TMEM130: variants seen among roughly 807,000 people sequenced by gnomAD.
TMEM130 encodes transmembrane protein 130.
Under a neutral mutation model 42.9 loss-of-function variants are expected in TMEM130, and 37 were observed. The ratio of observed to expected loss-of-function variants is 0.86; its 90% confidence interval spans 0.66 to 1.13. The LOEUF is 1.13. TMEM130 is among the 50% of genes most tolerant of loss of function. The pLI, the probability that TMEM130 is intolerant of heterozygous loss-of-function variation, is 0.00. For missense variants in TMEM130, 545 were observed against 562.6 expected, an observed-to-expected ratio of 0.97 and a Z score of 0.32; for synonymous variants, 259 against 237.7, an observed-to-expected ratio of 1.09 and a Z score of -0.82.
At chr7:98,866,643 T>TC (rs1554400667) in intron 1 of TMEM130, 1 of 152,230 alleles carries the variant, frequency 6.6e-6, no homozygotes, top group East Asian at 1.9e-4. Flanking sequence ...CAGGCAACTC[T>TC]GAGATTATTT....
chr7:98,862,348 G>C (rs1309237711), intron 2 of TMEM130, among the ~76,000 whole-genome samples: 1 of 142,212 alleles, frequency 7.0e-6, no homozygotes, highest in African/African-American at 2.6e-5. Context: ...AGGGAAAACA[G>C]AGAGAGAAGG....
At chr7:98,850,271 A>ATTTTTTTT (rs1290884464) in intron 6 of TMEM130, among the ~76,000 whole-genome samples, 5 of 33,880 alleles carry the variant, frequency 1.5e-4, no homozygotes, top group Admixed American at 4.5e-4. Context: ...ATATATATAT[A>ATTTTTTTT]TATTTTTTTT....
Position 98,849,593 on chromosome 7 carries a change from G to T in TMEM130, c.1007-898C>A, listed in dbSNP as rs148960353. Among the ~76,000 whole-genome samples the T allele has an allele frequency of 9.6e-4, 146 of 152,174 alleles. 1 individual carries two copies. Among genetic ancestry groups the T allele is most frequent in the African/African-American group, 3.5e-3 (144 of 41,510 alleles). On this transcript the variant is annotated intron_variant, in intron 6 of 7. Transcript: ENST00000339375. ...GATTGAGTGTAGCATCCTCTCAGGG[G>T]CCCAGAGTGGGATTGGGGAAACTGG...
rs76234252 is a variant in TMEM130, at chr7:98,856,316, G to C, written c.552-133C>G. 2.4e-3 allele frequency: 2,066 copies of C among 856,652 alleles called. 23 individuals carry two copies. In the African/African-American group the frequency reaches 0.028, roughly 12 times the overall value. 53.1% of individuals were successfully genotyped at this position (856,652 alleles called of 1,614,324 possible). On this transcript the variant is annotated intron_variant, in intron 3 of 7. Coordinates refer to ENST00000339375, the MANE Select transcript of TMEM130 (RefSeq NM_152913.3). ...CAGTGATACTCCCAGCTACCAGTGAGCACACCTGTCATCACAGCCTAGAGC... is the reference window on the plus strand; with the variant it reads ...CAGTGATACTCCCAGCTACCAGTGACCACACCTGTCATCACAGCCTAGAGC...
intron 3 of TMEM130, among the ~76,000 whole-genome samples, chr7:98,859,888 T>TA (rs1175882966): frequency 4.0e-5 from 6 of 150,690 alleles, no homozygotes; most frequent in Non-Finnish European, 7.4e-5. Flanking sequence ...CCATCTCTAC[T>TA]AAAAAAAATA....
At chr7:98,863,825 CCCTT>C (rs1270586265) in intron 1 of TMEM130, among the ~76,000 whole-genome samples, 31 of 141,804 alleles carry the variant, frequency 2.2e-4, no homozygotes, top group African/African-American at 6.5e-4. Flanking sequence ...CTTTTTTTCT[CCCTT>C]CCTTCCTTCC....
In TMEM130 at chr7:98,869,298, C is replaced by T. The variant is rs548463895; in HGVS notation, c.85+479G>A. On this transcript the variant is annotated intron_variant, in intron 1 of 7. Coordinates refer to ENST00000339375, the MANE Select transcript of TMEM130 (RefSeq NM_152913.3). The surrounding 1 kb of genome is among the most constrained non-coding windows in gnomAD (Gnocchi z 4.7). Reference sequence around the variant, plus strand: ...CCTGGGCTCTAAATTCGCATCTCCCCAAAGCCAGCACCAACACGGTGGGAA... The same window carrying T: ...CCTGGGCTCTAAATTCGCATCTCCCTAAAGCCAGCACCAACACGGTGGGAA... The T allele has an allele frequency of 1.3e-5, 17 of 1,285,286 alleles. No individual in the cohort carries two copies. The highest frequency in any genetic ancestry group is 1.5e-5 in the African/African-American group (1 of 65,650). The allele number at this position is 1,285,286 out of a possible 1,614,324, so 79.6% of individuals were successfully genotyped here. A position where few individuals can be genotyped will look rare whatever the true frequency, so the allele number is the denominator to read the frequency against.
intron 6 of TMEM130, among the ~76,000 whole-genome samples, chr7:98,849,736 A>T (rs1794444588): frequency 6.6e-6 from 1 of 152,170 alleles, no homozygotes; most frequent in Non-Finnish European, 1.5e-5. Context: ...CCCCAGGACC[A>T]GGAATCTGAA....
At chr7:98,849,092 A>G (rs1246410965) in intron 6 of TMEM130, among the ~76,000 whole-genome samples, 3 of 152,116 alleles carry the variant, frequency 2.0e-5, no homozygotes, top group African/African-American at 4.8e-5. Context: ...CGGGTGACAC[A>G]CTTTTGGGAA....
At chr7:98,864,268 T>C (rs1224122941) in intron 1 of TMEM130, among the ~76,000 whole-genome samples, 1 of 152,048 alleles carries the variant, frequency 6.6e-6, no homozygotes, top group Non-Finnish European at 1.5e-5. Context: ...TGTAGTGGCA[T>C]GATCATAGCT....
At chr7:98,849,475 G>A (rs1344896616) in intron 6 of TMEM130, among the ~76,000 whole-genome samples, 1 of 152,140 alleles carries the variant, frequency 6.6e-6, no homozygotes, top group African/African-American at 2.4e-5. Flanking sequence ...GCAGAATTCA[G>A]GGGGTTCCTG....
intron 5 of TMEM130, among the ~76,000 whole-genome samples, chr7:98,852,660 T>C (rs564150756): frequency 6.6e-6 from 1 of 152,166 alleles, no homozygotes; most frequent in Non-Finnish European, 1.5e-5. Context: ...AGTGGTGCGA[T>C]CTCCGCTCAC....
At chr7:98,852,715 C>T (rs1299857092) in intron 5 of TMEM130, among the ~76,000 whole-genome samples, 1 of 152,156 alleles carries the variant, frequency 6.6e-6, no homozygotes, top group Non-Finnish European at 1.5e-5. Context: ...CCACCTCAGC[C>T]TCCCAAGTAG....
chr7:98,863,818 T>C (rs181849999), intron 1 of TMEM130, among the ~76,000 whole-genome samples: 14 of 151,454 alleles, frequency 9.2e-5, no homozygotes, highest in Admixed American at 8.6e-4. Context: ...CTTCTTTCTT[T>C]TTTTCTCCCT....
intron 1 of TMEM130, 125 bp from the exon 2 acceptor site, chr7:98,863,525 A>G (rs1162440655): frequency 9.2e-6 from 9 of 976,188 alleles, no homozygotes; most frequent in African/African-American, 3.3e-5. Context: ...AGGCAGCTCA[A>G]GTGACTTGCC....
intron 6 of TMEM130, among the ~76,000 whole-genome samples, chr7:98,850,981 G>A (rs1455596150): frequency 6.6e-6 from 1 of 152,178 alleles, no homozygotes; most frequent in Non-Finnish European, 1.5e-5. Flanking sequence ...GGTGGCATGG[G>A]CTTATAGATG....
At chr7:98,857,865 C>A (rs1006620991) in intron 3 of TMEM130, among the ~76,000 whole-genome samples, 1 of 151,604 alleles carries the variant, frequency 6.6e-6, no homozygotes, top group Non-Finnish European at 1.5e-5. Flanking sequence ...GCTGGGAATA[C>A]AGGCGCACAC....
chr7:98,847,958 G>T lies in TMEM130; in HGVS notation c.*98C>A. 8.2e-7 allele frequency: 1 copy of T among 1,214,568 alleles called. No individual in the cohort carries two copies. Among genetic ancestry groups the T allele is most frequent in the Non-Finnish European group, 1.2e-6 (1 of 850,746 alleles). 75.2% of individuals were successfully genotyped at this position (1,214,568 alleles called of 1,614,324 possible). ...GGATGATCCAGGCCAACAGCCCCAC[G>T]CAAATGAACCCCTCCTGGTCAGTGG... On this transcript the variant is annotated 3_prime_UTR_variant, in exon 8 of 8. Transcript: ENST00000339375.
rs1554401023 is a variant in TMEM130, at chr7:98,869,242, C to T, written c.85+535G>A. The T allele has an allele frequency of 3.1e-6, 4 of 1,289,084 alleles. No homozygotes were observed. Among genetic ancestry groups the T allele is most frequent in the Non-Finnish European group, 4.0e-6 (4 of 988,732 alleles). 79.9% of individuals were successfully genotyped at this position (1,289,084 alleles called of 1,614,324 possible). A position where few individuals can be genotyped will look rare whatever the true frequency, so the allele number is the denominator to read the frequency against. ...TCAGCTCCGGGTCCATTTTGGAAATCACCACCAGAGAGGAAATGGCAGCCT... is the reference window on the plus strand; with the variant it reads ...TCAGCTCCGGGTCCATTTTGGAAATTACCACCAGAGAGGAAATGGCAGCCT... On this transcript the variant is annotated intron_variant, in intron 1 of 7. Coordinates refer to ENST00000339375, the MANE Select transcript of TMEM130 (RefSeq NM_152913.3). This position sits in a 1 kb window ranked among gnomAD's most constrained non-coding sequence, Gnocchi z 4.7.
Sources: gnomAD v4.1 joint callset for allele counts (sites outside exome capture counted in the v4.1 genomes callset) on GRCh38, gnomAD v4.1.1 for gene constraint, Gnocchi (gnomAD v3.1) non-coding constraint, MANE v1.5 for transcripts, NCBI Gene and HGNC (gene_info 2026-07-23, HGNC 2026-07-21) for gene names.